Variants in PNPLA6 observed in about 807,000 individuals in gnomAD.
PNPLA6 encodes patatin like domain 6, lysophospholipase, also known as patatin-like phospholipase domain-containing protein 6.
PNPLA6 carries 105 observed loss-of-function variants against 153.7 expected under a neutral mutation model. The ratio of observed to expected loss-of-function variants is 0.68; its 90% CI spans 0.58 to 0.80. The LOEUF is 0.80. Among genes scored for constraint, PNPLA6 ranks in the 30% least tolerant of loss-of-function variants. The pLI, the probability that PNPLA6 is intolerant of heterozygous loss-of-function variation, is 0.00. For missense variants in PNPLA6, 1,423 were observed against 1,919.3 expected (o/e 0.74, Z 4.83); for synonymous variants, 825 against 822.2 (o/e 1.00, Z -0.06).
intron 13 of PNPLA6, among the ~76,000 whole-genome samples, chr19:7,547,103 C>A (rs1455880723): frequency 3.3e-5 from 5 of 152,224 alleles, no homozygotes; most frequent in African/African-American, 1.2e-4. Context: ...CACGGTTTCA[C>A]CATATTGGTC....
intron 27 of PNPLA6, chr19:7,557,619 A>G (rs988031700): frequency 4.6e-5 from 17 of 366,462 alleles, no homozygotes; most frequent in Non-Finnish European, 8.0e-5. Context: ...CCCCGTCTCT[A>G]CTAAAAATAC....
Position 7,550,379 on chromosome 19 carries a change from G to A in PNPLA6, c.1896G>A (p.Met632Ile). 6.2e-7 allele frequency: 1 copy of A among 1,612,132 alleles called. No homozygotes were observed. Among genetic ancestry groups the A allele is most frequent in the Non-Finnish European group, 8.5e-7 (1 of 1,180,030 alleles). The change falls in exon 15 of 32, where the codon ATG becomes ATA. Residue 632 changes from methionine (M) to isoleucine (I), a missense_variant. By Grantham distance (10) the Met-to-Ile change is conservative. This residue lies in a region of PNPLA6 where 119 missense variants were observed against 163.7 expected (regional missense o/e 0.73). Coordinates refer to ENST00000600737, the MANE Select transcript of PNPLA6 (RefSeq NM_001166114.2). ...GGATGTCGCCCTTCGTGCGCCAGAT[G>A]GACTTCGCCATCGACTGGACTGCAG... ...AARMSPFVRQ[M>I]DFAIDWTAVE...
rs370828407 is a variant in PNPLA6 at position 7,540,002 on chromosome 19, C to T, written c.498C>T (p.Gly166=). The change falls in exon 4 of 32, where the codon GGC becomes GGT. Residue 166 remains glycine (G), a synonymous_variant. Coordinates refer to ENST00000600737, the MANE Select transcript of PNPLA6 (RefSeq NM_001166114.2). This position sits in a 1 kb window ranked among gnomAD's most constrained non-coding sequence, Gnocchi z 6.8. ...PAVLEADLTE[G]DLANSHLPSE... ...TGCTAGAAGCTGACCTGACCGAGGG[C>T]GACCTGGCTAACTCCCATCTGCCCT... 1.8e-5 allele frequency: 28 copies of T among 1,599,870 alleles called. No homozygotes were observed. The highest frequency in any genetic ancestry group is 5.4e-5 in the African/African-American group (4 of 74,574).
rs1158091365 is a variant in PNPLA6 at position 7,555,411 on chromosome 19, G to A, written c.2936+44G>A. 9 of 1,428,248 alleles carry A rather than the reference G, an allele frequency of 6.3e-6. No individual in the cohort carries two copies. The highest frequency in any genetic ancestry group is 5.9e-5 in the Admixed American group (3 of 50,772). The allele number at this position is 1,428,248 out of a possible 1,614,324, so 88.5% of individuals were successfully genotyped here. ...CTCTGGGGGCGGGGCCTGGATGTCCGAGGGTGGAGCTTCCTGGGAGAAACC... is the reference window on the plus strand; with the variant it reads ...CTCTGGGGGCGGGGCCTGGATGTCCAAGGGTGGAGCTTCCTGGGAGAAACC... On this transcript the variant is annotated intron_variant, in intron 23 of 31. Coordinates refer to ENST00000600737, the MANE Select transcript of PNPLA6 (RefSeq NM_001166114.2). The surrounding 1 kb of genome is among the most constrained non-coding windows in gnomAD (Gnocchi z 6.3).
At chr19:7,536,140 G>T in intron 1 of PNPLA6, 51 bp from the exon 2 acceptor site, 2 of 1,516,998 alleles carry the variant, frequency 1.3e-6, no homozygotes, top group South Asian at 2.2e-5. Flanking sequence ...AGCTCTGGCA[G>T]GGTGGAGTCT....
Position 7,561,473 on chromosome 19 carries a change from G to T in PNPLA6, c.4024-15G>T. 1.9e-6 allele frequency: 3 copies of T among 1,599,846 alleles called. No individual in the cohort carries two copies. Among genetic ancestry groups the T allele is most frequent in the Non-Finnish European group, 2.6e-6 (3 of 1,172,710 alleles). On this transcript the variant is annotated splice_polypyrimidine_tract_variant and intron_variant, in intron 31 of 31. Transcript: ENST00000600737. ...GTCCCGTGCTGGGTGACGTGTGTGTGACCTTCCCTCGCAGGAGGAGGAGAA... is the reference window on the plus strand; with the variant it reads ...GTCCCGTGCTGGGTGACGTGTGTGTTACCTTCCCTCGCAGGAGGAGGAGAA...
rs2023162836 is a variant in PNPLA6, at chr19:7,541,902, C to A, written c.1169-82C>A. On this transcript the variant is annotated intron_variant, in intron 9 of 31. Coordinates refer to ENST00000600737, the MANE Select transcript of PNPLA6 (RefSeq NM_001166114.2). This position sits in a 1 kb window ranked among gnomAD's most constrained non-coding sequence, Gnocchi z 5.2. ...GAATTGCTTTAACTAGTTAATCAGT[C>A]GCCAGCATCTCCTTATCTCCCAACC... is the stretch of plus-strand genomic sequence containing the variant. 2.3e-6 allele frequency: 3 copies of A among 1,282,218 alleles called. No homozygotes were observed. The highest frequency in any genetic ancestry group is 2.4e-5 in the South Asian group (2 of 84,654). The allele number at this position is 1,282,218 out of a possible 1,614,324, so 79.4% of individuals were successfully genotyped here.
chr19:7,554,260 C>T lies in PNPLA6; in HGVS notation c.2453C>T (p.Ser818Phe). Residue 818 changes from serine to phenylalanine, a missense_variant, in exon 20 of 32, where the codon TCC becomes TTC. By Grantham distance (155) the Ser-to-Phe change is radical. Coordinates refer to ENST00000600737, the MANE Select transcript of PNPLA6 (RefSeq NM_001166114.2). ...ATCATCCGGGCACGCCTGGGGGCCT[C>T]CGCACTGGATAGGTGTGTGTTGCAG... ...SDIIRARLGA[S>F]ALDSIQEFRL... 1 of 1,613,932 alleles carries T rather than the reference C, an allele frequency of 6.2e-7. No homozygotes were observed. The highest frequency in any genetic ancestry group is 2.2e-5 in the East Asian group (1 of 44,854).
chr19:7,539,230 C>T (rs2023008754), intron 3 of PNPLA6, among the ~76,000 whole-genome samples: 1 of 152,168 alleles, frequency 6.6e-6, no homozygotes, highest in Non-Finnish European at 1.5e-5. Context: ...GTAATCCTAG[C>T]ACTTTGGGAG....
intron 13 of PNPLA6, among the ~76,000 whole-genome samples, chr19:7,544,935 A>C (rs907509803): frequency 6.6e-6 from 1 of 152,010 alleles, no homozygotes; most frequent in Non-Finnish European, 1.5e-5. Context: ...CTGGCCTGTC[A>C]GTGTACCACG....
At chr19:7,539,493 T>C (rs953085706) in intron 3 of PNPLA6, among the ~76,000 whole-genome samples, 2 of 143,934 alleles carry the variant, frequency 1.4e-5, no homozygotes, top group Non-Finnish European at 3.0e-5. Flanking sequence ...GCACAGTGGC[T>C]CACACCTTTA....
chr19:7,554,646 T>C lies in PNPLA6; in HGVS notation c.2557T>C (p.Trp853Arg), dbSNP rs1181806975. The part of the protein sequence containing the change: ...LYQTDASLTP[W>R]TVRCLRQADC... ...CCAGACGGACGCCTCGCTGACGCCC[T>C]GGACCGTGCGCTGCCTGCGACAGGC... The change falls in exon 21 of 32, where the codon TGG becomes CGG. Residue 853 changes from tryptophan (W) to arginine (R), a missense_variant. Physicochemically the swap from Trp to Arg is moderately radical, Grantham distance 101. Coordinates refer to ENST00000600737, the MANE Select transcript of PNPLA6 (RefSeq NM_001166114.2). 10 of 1,613,898 alleles carry C rather than the reference T, an allele frequency of 6.2e-6. No homozygotes were observed. Among genetic ancestry groups the C allele is most frequent in the Non-Finnish European group, 8.5e-6 (10 of 1,180,012 alleles).
chr19:7,542,705 G>A (rs746624003), intron 11 of PNPLA6, 35 bp downstream of exon 11: 67 of 1,611,958 alleles, frequency 4.2e-5, no homozygotes, highest in Admixed American at 6.7e-5. Context: ...GGTGGAGCCC[G>A]CAGGGGAAGG....
rs757286366 is a variant in PNPLA6, at chr19:7,540,593, C to T, written c.715-37C>T. 23 of 1,507,744 alleles carry T rather than the reference C, an allele frequency of 1.5e-5. No individual in the cohort carries two copies. The Admixed American group carries it at 1.7e-4, about 11-fold the overall frequency. The allele number at this position is 1,507,744 out of a possible 1,614,324, so 93.4% of individuals were successfully genotyped here. ...GGGGGCGACATGCCAGTCACCAGGG[C>T]GAGGCCACTGAGGGTCCACGGTCTC... is the stretch of plus-strand genomic sequence containing the variant. On this transcript the variant is annotated intron_variant, in intron 5 of 31. Coordinates refer to ENST00000600737, the MANE Select transcript of PNPLA6 (RefSeq NM_001166114.2). This position sits in a 1 kb window ranked among gnomAD's most constrained non-coding sequence, Gnocchi z 6.8.
In PNPLA6 at chr19:7,555,721, C is replaced by T. The variant is rs2023850056; in HGVS notation, c.3051C>T (p.Arg1017=). Residue 1017 remains arginine (R), a synonymous_variant, in exon 24 of 32, where the codon CGC becomes CGT. Coordinates refer to ENST00000600737, the MANE Select transcript of PNPLA6 (RefSeq NM_001166114.2). This position sits in a 1 kb window ranked among gnomAD's most constrained non-coding sequence, Gnocchi z 6.3. ...TCGGAGCGTTGTACGCGGAGGAGCG[C>T]AGCGCCAGCCGCACGAAGCAGCGGG... ...SFIGALYAEE[R]SASRTKQRAR... 6.2e-7 allele frequency: 1 copy of T among 1,613,786 alleles called. No individual in the cohort carries two copies. The highest frequency in any genetic ancestry group is 8.5e-7 in the Non-Finnish European group (1 of 1,179,864).
chr19:7,540,968 G>A lies in PNPLA6; in HGVS notation c.841G>A (p.Asp281Asn). The A allele has an allele frequency of 6.2e-7, 1 of 1,611,728 alleles. No individual in the cohort carries two copies. Residue 281 changes from aspartate to asparagine, a missense_variant, in exon 7 of 32, where the codon GAC becomes AAC. Coordinates refer to ENST00000600737, the MANE Select transcript of PNPLA6 (RefSeq NM_001166114.2). The surrounding 1 kb of genome is among the most constrained non-coding windows in gnomAD (Gnocchi z 6.8). The stretch of plus-strand genomic sequence containing the variant: ...GACCGTGTCTGCCCGGGCGGCCCGG[G>A]ACTCCACGGTGCTGCGCCTGCCGGT... The part of the protein sequence containing the change: ...QRTVSARAAR[D>N]STVLRLPVEA...
upstream of PNPLA6, chr19:7,535,564 T>G (rs1035379229): frequency 2.5e-6 from 4 of 1,605,080 alleles, no homozygotes; most frequent in Admixed American, 3.4e-5. The surrounding 1 kb of genome is among the most constrained non-coding windows in gnomAD (Gnocchi z 5.0). Context: ...GAGGCTCCGC[T>G]GCAAACTGGA....
At position 7,550,324 on chromosome 19, in the gene PNPLA6, T is replaced by A; in HGVS notation, c.1841T>A (p.Val614Glu). The A allele has an allele frequency of 6.2e-7, 1 of 1,612,782 alleles. No individual in the cohort carries two copies. ...ATCATGCGCGCACAGCCCAGTGTGG[T>A]GCTGAGTGCGGCGCACACGGTGGCA... ...YEIMRAQPSV[V>E]LSAAHTVAAR... The change falls in exon 15 of 32, where the codon GTG becomes GAG. Residue 614 changes from valine to glutamate, a missense_variant. Around this residue, in one of 10 missense-constraint regions of PNPLA6, gnomAD observed 119 missense variants for 163.7 expected, o/e 0.73. Coordinates refer to ENST00000600737, the MANE Select transcript of PNPLA6 (RefSeq NM_001166114.2).
chr19:7,540,579 G>GCC lies in PNPLA6; in HGVS notation c.715-50_715-49dup, dbSNP rs768305123. On this transcript the variant is annotated intron_variant, in intron 5 of 31. Transcript: ENST00000600737. The surrounding 1 kb of genome is among the most constrained non-coding windows in gnomAD (Gnocchi z 6.8). ...ATTGGGATGGATGAGGGGGCGACAT[G>GCC]CCAGTCACCAGGGCGAGGCCACTGA... 7.1e-7 allele frequency: 1 copy of GCC among 1,411,664 alleles called. No individual in the cohort carries two copies. The highest frequency in any genetic ancestry group is 1.1e-5 in the South Asian group (1 of 87,106). 87.4% of individuals were successfully genotyped at this position (1,411,664 alleles called of 1,614,324 possible).
Sources: gnomAD v4.1 joint callset for allele counts (sites outside exome capture counted in the v4.1 genomes callset) on GRCh38, gnomAD v4.1.1 for gene constraint, gnomAD v4.1.1 regional missense constraint, Gnocchi (gnomAD v3.1) non-coding constraint, MANE v1.5 for transcripts, NCBI Gene and HGNC (gene_info 2026-07-23, HGNC 2026-07-21) for gene names.